Variants in DOCK1 observed in about 807,000 individuals in gnomAD.
The protein encoded by DOCK1 is dedicator of cytokinesis protein 1.
Under a neutral mutation model 262.7 loss-of-function variants are expected in DOCK1, and 138 were observed. The ratio of observed to expected loss-of-function variants is 0.53; its 90% confidence interval spans 0.46 to 0.61. DOCK1 has a LOEUF of 0.61. Among genes scored for constraint, DOCK1 ranks in the 20% least tolerant of loss-of-function variants. The pLI, the probability that DOCK1 is intolerant of heterozygous loss-of-function variation, is 0.00. For missense variants in DOCK1, 1,908 were observed against 2,370.7 expected, an observed-to-expected ratio of 0.80 and a Z score of 4.05; for synonymous variants, 866 against 867.4, an observed-to-expected ratio of 1.00 and a Z score of 0.03.
intron 29 of DOCK1, among the ~76,000 whole-genome samples, chr10:127,275,791 C>A (rs190012971): frequency 3.2e-3 from 488 of 151,888 alleles, no homozygotes; most frequent in African/African-American, 0.011. Context: ...TGGAAAAAAA[C>A]CCATGTGACT....
At chr10:127,070,251 T>C (rs76451315) in intron 23 of DOCK1, among the ~76,000 whole-genome samples, 7 of 12,076 alleles carry the variant, frequency 5.8e-4, no homozygotes, top group Non-Finnish European at 9.0e-4. Flanking sequence ...AATTTAGCCC[T>C]TTTTTTTTTT....
At chr10:127,105,742 G>A (rs1403143133) in intron 23 of DOCK1, among the ~76,000 whole-genome samples, 1 of 152,120 alleles carries the variant, frequency 6.6e-6, no homozygotes, top group African/African-American at 2.4e-5. Context: ...CATTGTTTGA[G>A]CATTCTTTGT....
intron 29 of DOCK1, among the ~76,000 whole-genome samples, chr10:127,296,198 T>A (rs2061499137): frequency 6.6e-6 from 1 of 152,224 alleles, no homozygotes; most frequent in South Asian, 2.1e-4. Context: ...GCCATTCGAT[T>A]TTGTTATCGA....
At chr10:126,905,999 G>T (rs1173857321) in intron 1 of DOCK1, among the ~76,000 whole-genome samples, 1 of 152,114 alleles carries the variant, frequency 6.6e-6, no homozygotes, top group Non-Finnish European at 1.5e-5. Flanking sequence ...TGCGTCCCGC[G>T]TCCGGGCTCT....
chr10:127,282,279 C>T (rs761573900), intron 29 of DOCK1, among the ~76,000 whole-genome samples: 1 of 152,056 alleles, frequency 6.6e-6, no homozygotes, highest in South Asian at 2.1e-4. Context: ...TCTCTCATCT[C>T]TCACTCTGAA....
intron 27 of DOCK1, among the ~76,000 whole-genome samples, chr10:127,200,085 C>G (rs1455085626): frequency 6.6e-6 from 1 of 152,188 alleles, no homozygotes; most frequent in East Asian, 1.9e-4. Flanking sequence ...ACAGAGCTCG[C>G]TATGGACGTG....
At chr10:127,263,243 C>G (rs1446007392) in intron 29 of DOCK1, among the ~76,000 whole-genome samples, 1 of 142,810 alleles carries the variant, frequency 7.0e-6, no homozygotes, top group African/African-American at 2.6e-5. Context: ...ACTGTGCAGT[C>G]TAGAAAAATC....
At chr10:127,038,547 A>G (rs917145384) in intron 19 of DOCK1, among the ~76,000 whole-genome samples, 2 of 152,130 alleles carry the variant, frequency 1.3e-5, no homozygotes, top group African/African-American at 2.4e-5. Context: ...CATTCGTACT[A>G]GACTCCCTGA....
intron 1 of DOCK1, among the ~76,000 whole-genome samples, chr10:126,915,661 C>T (rs922303053): frequency 1.3e-5 from 2 of 152,138 alleles, no homozygotes; most frequent in African/African-American, 2.4e-5. Context: ...CTGTGTTAGC[C>T]AGGATGGTCT....
intron 27 of DOCK1, among the ~76,000 whole-genome samples, chr10:127,238,678 G>T (rs1327225633): frequency 6.6e-6 from 1 of 152,018 alleles, no homozygotes; most frequent in Non-Finnish European, 1.5e-5. Context: ...ACGTGGCCAG[G>T]GGAGCCTCCC....
intron 1 of DOCK1, among the ~76,000 whole-genome samples, chr10:126,928,593 C>G (rs2033950030): frequency 6.6e-6 from 1 of 151,812 alleles, no homozygotes; most frequent in Non-Finnish European, 1.5e-5. Context: ...GACTTGTGAA[C>G]TTGCCCAGTA....
chr10:127,289,612 T>A (rs1031883321), intron 29 of DOCK1, among the ~76,000 whole-genome samples: 1 of 152,318 alleles, frequency 6.6e-6, no homozygotes, highest in African/African-American at 2.4e-5. Flanking sequence ...CCACAACCTT[T>A]CCAACCTATT....
chr10:127,103,272 G>C (rs1327067014), intron 23 of DOCK1, among the ~76,000 whole-genome samples: 1 of 152,220 alleles, frequency 6.6e-6, no homozygotes, highest in Admixed American at 6.5e-5. Context: ...TAGGTTTCCT[G>C]TCCCATGTAC....
At chr10:127,352,025 C>T (rs889692432) in intron 31 of DOCK1, among the ~76,000 whole-genome samples, 3 of 151,106 alleles carry the variant, frequency 2.0e-5, no homozygotes, top group Non-Finnish European at 2.9e-5. Flanking sequence ...CCTTGCTAAT[C>T]CCCCAGTTCT....
At chr10:126,909,017 A>C (rs9422852) in intron 1 of DOCK1, among the ~76,000 whole-genome samples, 2 of 152,184 alleles carry the variant, frequency 1.3e-5, no homozygotes, top group Admixed American at 6.5e-5. Flanking sequence ...TGTGAATTCA[A>C]TATGTTACAT....
Position 127,032,138 on chromosome 10 carries a change from C to T in DOCK1, c.1730C>T (p.Ala577Val). 1 of 1,585,776 alleles carries T rather than the reference C, an allele frequency of 6.3e-7. No individual in the cohort carries two copies. The highest frequency in any genetic ancestry group is 8.6e-7 in the Non-Finnish European group (1 of 1,165,828). The change falls in exon 18 of 52, where the codon GCC becomes GTC. Residue 577 changes from alanine (A) to valine (V), a missense_variant and splice_region_variant. Transcript: ENST00000623213. ...DGEHDLIVYK[A>V]EAKKLEDAAT... ...CATACGGCATGACTAAATCCACAGGCCGAAGCAAAGAAGCTGGAAGATGCT... is the reference window on the plus strand; with the variant it reads ...CATACGGCATGACTAAATCCACAGGTCGAAGCAAAGAAGCTGGAAGATGCT...
intron 28 of DOCK1, among the ~76,000 whole-genome samples, chr10:127,249,430 TATACACACACACAC>T (rs1170249010): frequency 7.6e-6 from 1 of 132,096 alleles, no homozygotes; most frequent in African/African-American, 2.8e-5. Flanking sequence ...TACATATATA[TATACACACACACAC>T]ACACACACAC....
rs557325517 is a variant in DOCK1, at chr10:126,970,877, GA to G, written c.130+93del. On this transcript the variant is annotated intron_variant, in intron 2 of 51. Coordinates refer to ENST00000623213, the MANE Select transcript of DOCK1 (RefSeq NM_001290223.2). ...CTGGGCAAAGCATTCCTCTGTTACA[GA>G]CACATAAGACAGTCATGCTTCCTTC... 1.8e-4 allele frequency: 244 copies of G among 1,370,040 alleles called. 1 individual carries two copies. The African/African-American group carries it at 3.1e-3, about 17-fold the overall frequency. 84.9% of individuals were successfully genotyped at this position (1,370,040 alleles called of 1,614,324 possible).
intron 1 of DOCK1, among the ~76,000 whole-genome samples, chr10:126,960,723 A>AATATAT (rs1159655828): frequency 0.012 from 1,597 of 134,620 alleles, 30 homozygotes; most frequent in African/African-American, 0.041. Flanking sequence ...CCTACCCTCA[A>AATATAT]ATATATATAT....
Sources: allele counts gnomAD v4.1 joint callset (sites outside exome capture counted in the v4.1 genomes callset), GRCh38; gene constraint gnomAD v4.1.1; transcripts MANE v1.5; gene names NCBI Gene and HGNC (gene_info 2026-07-23, HGNC 2026-07-21).